The following KIF11 variants were observed in gnomAD, a reference collection of about 807,000 sequenced individuals.
The protein encoded by KIF11 is kinesin family member 11.
A neutral mutation model predicts 121.0 loss-of-function variants in KIF11; 9 were observed. The observed-to-expected ratio is 0.07, with a 90% CI of 0.04 to 0.13. KIF11 has a LOEUF of 0.13. Ranked by LOEUF, KIF11 falls within the 10% of genes least tolerant of loss-of-function variation. KIF11 has a pLI of 1.00. For synonymous variants in KIF11, 408 were observed against 421.0 expected (o/e 0.97, Z 0.38); for missense variants, 846 against 1,217.5 (o/e 0.69, Z 4.54).
At chr10:92,614,402 G>A (rs895465770) in intron 8 of KIF11, among the ~76,000 whole-genome samples, 12 of 151,992 alleles carry the variant, frequency 7.9e-5, no homozygotes, top group African/African-American at 2.4e-4. Context: ...GCCTAGCTTC[G>A]TTCATTCTAT....
chr10:92,613,345 C>A lies in KIF11; in HGVS notation c.790-32C>A. 1 of 1,474,054 alleles carries A rather than the reference C, an allele frequency of 6.8e-7. No individual in the cohort carries two copies. The highest frequency in any genetic ancestry group is 9.2e-7 in the Non-Finnish European group (1 of 1,086,062). 91.3% of individuals were successfully genotyped at this position (1,474,054 alleles called of 1,614,324 possible). ...AGTCTTTGAATCCAAATCCAATAGA[C>A]TCACTTTTTATTTTTATTTTTAAAA... On this transcript the variant is annotated intron_variant, in intron 7 of 21. Coordinates refer to ENST00000260731, the MANE Select transcript of KIF11 (RefSeq NM_004523.4). This position sits in a 1 kb window ranked among gnomAD's most constrained non-coding sequence, Gnocchi z 4.2.
rs1054499969 is a variant in KIF11 at position 92,623,555 on chromosome 10, C to CT, written c.1217+2083dup. Among the ~76,000 whole-genome samples, 9 of 152,272 alleles carry CT rather than the reference C, an allele frequency of 5.9e-5. No individual in the cohort carries two copies. In the East Asian group the frequency reaches 1.5e-3, roughly 26 times the overall value. On this transcript the variant is annotated intron_variant, in intron 10 of 21. Coordinates refer to ENST00000260731, the MANE Select transcript of KIF11 (RefSeq NM_004523.4). ...GAACTTTTTTGTAGATGTTAACACT[C>CT]TAATAGTATATAAATCATTTAATAA...
At chr10:92,617,546 A>T (rs1473923767) in intron 9 of KIF11, among the ~76,000 whole-genome samples, 1 of 151,884 alleles carries the variant, frequency 6.6e-6, no homozygotes, top group African/African-American at 2.4e-5. Context: ...TAGGGATTTA[A>T]TTTCTGGGTT....
intron 21 of KIF11, among the ~76,000 whole-genome samples, chr10:92,651,507 G>GTTTTTTTTTTTTTTTTTT (rs1175303233): frequency 1.9e-5 from 1 of 52,952 alleles, no homozygotes; most frequent in African/African-American, 5.2e-5. Context: ...GGCTAATTTT[G>GTTTTTTTTTTTTTTTTTT]TTTTTTTTTT....
intron 10 of KIF11, among the ~76,000 whole-genome samples, chr10:92,626,735 G>T (rs1289253099): frequency 6.6e-6 from 1 of 152,012 alleles, no homozygotes; most frequent in Non-Finnish European, 1.5e-5. Context: ...TTACATAAAA[G>T]ATCTATTTCT....
In KIF11 at chr10:92,654,347, CAAATG is replaced by C. The variant is rs1237464760; in HGVS notation, c.*555_*559del. On this transcript the variant is annotated 3_prime_UTR_variant, in exon 22 of 22. Transcript: ENST00000260731. ...TTCATATAAAGTAGTTCTTTTATAA[CAAATG>C]AAAAGTATTTTTCTTGTATATTATT... 8 of 152,156 alleles carry C rather than the reference CAAATG, an allele frequency of 5.3e-5. No homozygotes were observed. The highest frequency in any genetic ancestry group is 1.0e-4 in the Non-Finnish European group (7 of 68,080). The allele number at this position is 152,156 out of a possible 1,614,324, so 9.4% of individuals were successfully genotyped here.
At position 92,655,299 on chromosome 10, in the gene KIF11, T is replaced by C. The variant is rs558386414; in HGVS notation, c.*1503T>C. ...TATCTTAATAAAATAATGGCTATAA[T>C]TTCTCTGCAAAATCAGATGTCAGCA... On this transcript the variant is annotated 3_prime_UTR_variant, in exon 22 of 22. Transcript: ENST00000260731. 3 of 152,330 alleles carry C rather than the reference T, an allele frequency of 2.0e-5. No individual in the cohort carries two copies. Among genetic ancestry groups the C allele is most frequent in the South Asian group, 4.1e-4 (2 of 4,832 alleles). The allele number at this position is 152,330 out of a possible 1,614,324, so 9.4% of individuals were successfully genotyped here.
At position 92,638,586 on chromosome 10, in the gene KIF11, T is replaced by A. The variant is rs150530244; in HGVS notation, c.2160+1041T>A. Among the ~76,000 whole-genome samples, 134 of 152,310 alleles carry A rather than the reference T, an allele frequency of 8.8e-4. 1 individual carries two copies. Among genetic ancestry groups the A allele is most frequent in the African/African-American group, 3.1e-3 (130 of 41,586 alleles). ...AAAAAAACAATACAAAAAAATCTGA[T>A]CTGAAAAGTATCTTAGCATGAATGG... On this transcript the variant is annotated intron_variant, in intron 16 of 21. Coordinates refer to ENST00000260731, the MANE Select transcript of KIF11 (RefSeq NM_004523.4).
At chr10:92,601,881 A>G (rs1844377746) in intron 1 of KIF11, among the ~76,000 whole-genome samples, 1 of 152,042 alleles carries the variant, frequency 6.6e-6, no homozygotes, top group African/African-American at 2.4e-5. Flanking sequence ...GTCTTTGACC[A>G]TCAATTATGT....
At chr10:92,624,191 G>C (rs971936265) in intron 10 of KIF11, among the ~76,000 whole-genome samples, 1 of 149,520 alleles carries the variant, frequency 6.7e-6, no homozygotes, top group African/African-American at 2.5e-5. Flanking sequence ...ATGGCATCCA[G>C]CTCCATCCAT....
chr10:92,613,245 GAGA>G lies in KIF11; in HGVS notation c.789+120_789+122del. ...CACTGGGTGATTAGCTTTGTAGTGG[GAGA>G]AGAAATTTGTTAATTACAGAAAAAA... On this transcript the variant is annotated intron_variant, in intron 7 of 21. Coordinates refer to ENST00000260731, the MANE Select transcript of KIF11 (RefSeq NM_004523.4). This position sits in a 1 kb window ranked among gnomAD's most constrained non-coding sequence, Gnocchi z 4.2. 9.4e-7 allele frequency: 1 copy of G among 1,065,696 alleles called. No homozygotes were observed. The highest frequency in any genetic ancestry group is 1.3e-6 in the Non-Finnish European group (1 of 740,862). 66.0% of individuals were successfully genotyped at this position (1,065,696 alleles called of 1,614,324 possible).
chr10:92,624,167 G>C (rs1844646018), intron 10 of KIF11, among the ~76,000 whole-genome samples: 1 of 148,158 alleles, frequency 6.7e-6, no homozygotes, highest in African/African-American at 2.5e-5. Flanking sequence ...TCCTATGTTA[G>C]TTTGTTTAGG....
At position 92,613,678 on chromosome 10, in the gene KIF11, T is replaced by C. The variant is rs1844519429; in HGVS notation, c.1032+59T>C. On this transcript the variant is annotated intron_variant, in intron 8 of 21. Transcript: ENST00000260731. This position sits in a 1 kb window ranked among gnomAD's most constrained non-coding sequence, Gnocchi z 4.2. ...AGCTGTAATTCTTATTTGGCTATTA[T>C]ATATTTTAAAAGTTCATTTACTAGG... The C allele has an allele frequency of 6.6e-7, 1 of 1,509,388 alleles. No homozygotes were observed. The highest frequency in any genetic ancestry group is 8.9e-7 in the Non-Finnish European group (1 of 1,120,284). 93.5% of individuals were successfully genotyped at this position (1,509,388 alleles called of 1,614,324 possible).
intron 10 of KIF11, among the ~76,000 whole-genome samples, chr10:92,627,396 G>A (rs1844691841): frequency 6.6e-6 from 1 of 152,094 alleles, no homozygotes; most frequent in African/African-American, 2.4e-5. Flanking sequence ...TACTTTTTAT[G>A]ACTTCTTTTG....
At chr10:92,606,078 G>A (rs1844427833) in intron 1 of KIF11, among the ~76,000 whole-genome samples, 187 bp from the exon 2 acceptor site, 1 of 152,208 alleles carries the variant, frequency 6.6e-6, no homozygotes, top group African/African-American at 2.4e-5. Flanking sequence ...AATTATATTT[G>A]TGAAACTTGA....
chr10:92,645,905 A>C (rs985291710), intron 18 of KIF11, among the ~76,000 whole-genome samples: 2 of 151,242 alleles, frequency 1.3e-5, no homozygotes, highest in Admixed American at 1.3e-4. Flanking sequence ...TCTTCAAAGA[A>C]GGGCACCCTG....
chr10:92,617,205 A>C (rs986247961), intron 9 of KIF11, among the ~76,000 whole-genome samples: 11 of 152,186 alleles, frequency 7.2e-5, no homozygotes, highest in African/African-American at 2.7e-4. Flanking sequence ...TAGTTTTAGA[A>C]AATTTGTTAT....
intron 21 of KIF11, among the ~76,000 whole-genome samples, chr10:92,651,601 A>C (rs1375378309): frequency 1.5e-5 from 2 of 129,702 alleles, no homozygotes; most frequent in African/African-American, 5.7e-5. Context: ...TCCCAACTTC[A>C]GGTGATCTGC....
intron 13 of KIF11, among the ~76,000 whole-genome samples, chr10:92,632,948 G>A (rs1844755587): frequency 6.7e-6 from 1 of 149,190 alleles, no homozygotes; most frequent in African/African-American, 2.5e-5. Context: ...GTTAGAAGTA[G>A]AAGTCCTCTT....
Sources: allele counts gnomAD v4.1 joint callset (sites outside exome capture counted in the v4.1 genomes callset), GRCh38; gene constraint gnomAD v4.1.1; non-coding constraint Gnocchi (gnomAD v3.1); transcripts MANE v1.5; gene names NCBI Gene and HGNC (gene_info 2026-07-23, HGNC 2026-07-21).